CD109: variants seen among roughly 807,000 people sequenced by gnomAD.
CD109 encodes CD109 antigen.
In CD109, 149 loss-of-function variants were observed where a neutral mutation model predicts 165.8. That is an observed-to-expected ratio of 0.90 (90% confidence interval 0.79 to 1.03). The LOEUF is 1.03. Among genes scored for constraint, CD109 ranks in the 50% least tolerant of loss-of-function variants. The probability of loss-of-function intolerance (pLI) is 0.00; values close to 1 mark genes in which losing one functional copy is unlikely to be tolerated. For missense variants in CD109, 1,712 were observed against 1,677.8 expected, an observed-to-expected ratio of 1.02 and a Z score of -0.36; for synonymous variants, 585 against 592.1, an observed-to-expected ratio of 0.99 and a Z score of 0.18.
intron 32 of CD109, among the ~76,000 whole-genome samples, chr6:73,821,402 C>T (rs566016708): frequency 6.6e-6 from 1 of 152,092 alleles, no homozygotes; most frequent in Admixed American, 6.5e-5. Context: ...ATTGTTCTAC[C>T]AAAAAGCCAC....
intron 2 of CD109, among the ~76,000 whole-genome samples, chr6:73,704,750 A>C (rs974629061): frequency 1.4e-4 from 21 of 152,208 alleles, no homozygotes; most frequent in African/African-American, 5.1e-4. Context: ...TGTATGTGAA[A>C]CATGAATGAA....
chr6:73,721,074 C>T (rs185357868), intron 2 of CD109, among the ~76,000 whole-genome samples: 115 of 152,222 alleles, frequency 7.6e-4, no homozygotes, highest in Non-Finnish European at 1.4e-3. Context: ...CCTACCTGTA[C>T]TATGTATATC....
At chr6:73,710,096 A>G (rs1320922353) in intron 2 of CD109, among the ~76,000 whole-genome samples, 1 of 152,238 alleles carries the variant, frequency 6.6e-6, no homozygotes, top group Admixed American at 6.5e-5. Flanking sequence ...GGCTAGGGCA[A>G]TCAGGCAGGA....
intron 15 of CD109, among the ~76,000 whole-genome samples, chr6:73,773,759 A>G (rs2150238861): frequency 6.6e-6 from 1 of 152,250 alleles, no homozygotes; most frequent in East Asian, 1.9e-4. Context: ...ATGTTACCAT[A>G]GATTGCCTTT....
intron 5 of CD109, among the ~76,000 whole-genome samples, chr6:73,744,157 A>G (rs1772893661): frequency 6.6e-6 from 1 of 152,206 alleles, no homozygotes; most frequent in South Asian, 2.1e-4. Flanking sequence ...AGAACCTATT[A>G]TTATCTTCAG....
At chr6:73,767,299 T>C (rs531434077) in intron 13 of CD109, among the ~76,000 whole-genome samples, 2 of 152,308 alleles carry the variant, frequency 1.3e-5, no homozygotes, top group South Asian at 4.1e-4. Context: ...TAAGTGAGAA[T>C]ATGTGGTATT....
chr6:73,722,199 T>C (rs1246046257), intron 2 of CD109, among the ~76,000 whole-genome samples: 1 of 152,236 alleles, frequency 6.6e-6, no homozygotes, highest in Non-Finnish European at 1.5e-5. Flanking sequence ...ACATCCTCAA[T>C]GGAAAACTCT....
At position 73,734,490 on chromosome 6, in the gene CD109, T is replaced by C. The variant is rs186832061; in HGVS notation, c.508-1893T>C. Among the ~76,000 whole-genome samples, 4 of 152,390 alleles carry C rather than the reference T, an allele frequency of 2.6e-5. 1 individual carries two copies. The highest frequency in any genetic ancestry group is 6.8e-3 in the Middle Eastern group (2 of 294). ...ACAGCATATATTTATTGGCTATTTG[T>C]ATTTCTTCCTTTGTTCCTGAGCCTT... is the stretch of plus-strand genomic sequence containing the variant. On this transcript the variant is annotated intron_variant, in intron 4 of 32. Coordinates refer to ENST00000287097, the MANE Select transcript of CD109 (RefSeq NM_133493.5).
chr6:73,704,346 T>C (rs1039756022), intron 2 of CD109, among the ~76,000 whole-genome samples: 2 of 152,304 alleles, frequency 1.3e-5, no homozygotes, highest in Admixed American at 1.3e-4. Flanking sequence ...AAGCCTGTGA[T>C]GATTCATGGC....
intron 2 of CD109, among the ~76,000 whole-genome samples, chr6:73,702,175 T>C (rs1278265122): frequency 6.6e-6 from 1 of 152,212 alleles, no homozygotes; most frequent in East Asian, 1.9e-4. Context: ...GTGTTAACCT[T>C]TTTTTAAAGA....
chr6:73,810,517 A>G (rs1775716010), intron 27 of CD109, among the ~76,000 whole-genome samples: 2 of 151,918 alleles, frequency 1.3e-5, no homozygotes, highest in Admixed American at 6.6e-5. Flanking sequence ...TCAGTTCCAT[A>G]TAGCAAATAT....
chr6:73,781,308 T>C lies in CD109; in HGVS notation c.1952T>C (p.Ile651Thr), dbSNP rs1289590109. 6 of 1,612,418 alleles carry C rather than the reference T, an allele frequency of 3.7e-6. No individual in the cohort carries two copies. Among genetic ancestry groups the C allele is most frequent in the Middle Eastern group, 1.6e-4 (1 of 6,078 alleles). ...LTDANLTKDY[I>T]DGVYDNAEYA... ...GATGCAAACCTCACGAAGGATTATA[T>C]TGATGGTGTTTGTAAGTAATACATG... The change falls in exon 17 of 33, where the codon ATT becomes ACT. Residue 651 changes from isoleucine (I) to threonine (T), a missense_variant. Ile to Thr is a moderately conservative substitution (Grantham distance 89, BLOSUM62 -1). Coordinates refer to ENST00000287097, the MANE Select transcript of CD109 (RefSeq NM_133493.5).
Position 73,817,890 on chromosome 6 carries a change from T to C in CD109, c.3912-498T>C, listed in dbSNP as rs569336939. On this transcript the variant is annotated intron_variant, in intron 30 of 32. Transcript: ENST00000287097. ...GAACAAAGGGATGGCTTCTCCCTAC[T>C]GGTCTGATGTTTCTAAAATCAGACG... Among the ~76,000 whole-genome samples the C allele has an allele frequency of 7.2e-5, 11 of 152,330 alleles. No homozygotes were observed. In the South Asian group the frequency reaches 2.3e-3, roughly 32 times the overall value.
chr6:73,680,759 C>A, the CD109 span, among the ~76,000 whole-genome samples: 1 of 152,152 alleles, frequency 6.6e-6, no homozygotes. Flanking sequence ...ACTTAGTGAT[C>A]CAGTGCTTTC....
chr6:73,758,565 A>G (rs577401490), intron 6 of CD109, among the ~76,000 whole-genome samples: 1 of 152,062 alleles, frequency 6.6e-6, no homozygotes, highest in Admixed American at 6.5e-5. Flanking sequence ...TTGTATTTTT[A>G]GTAGAGATAG....
chr6:73,717,993 G>A (rs1353722585), intron 2 of CD109, among the ~76,000 whole-genome samples: 1 of 151,426 alleles, frequency 6.6e-6, no homozygotes, highest in Non-Finnish European at 1.5e-5. Flanking sequence ...TGTTTTGGTG[G>A]CATCTTTAGG....
chr6:73,756,965 AT>A (rs773889014), intron 6 of CD109, among the ~76,000 whole-genome samples: 2 of 152,208 alleles, frequency 1.3e-5, no homozygotes, highest in South Asian at 4.1e-4. Context: ...TGATAAAAAA[AT>A]ATTTAAAGTG....
chr6:73,810,045 C>G lies in CD109; in HGVS notation c.3417C>G (p.Ser1139=). 6.2e-7 allele frequency: 1 copy of G among 1,606,036 alleles called. No individual in the cohort carries two copies. The highest frequency in any genetic ancestry group is 8.5e-7 in the Non-Finnish European group (1 of 1,177,474). The change falls in exon 27 of 33, where the codon TCC becomes TCG. Residue 1139 remains serine, a synonymous_variant. Transcript: ENST00000287097. ...TTTCTGACTCCTGGCAGCCACGCTC[C>G]CTGGATATTGAAGTTGCAGCCTATG... is the stretch of plus-strand genomic sequence containing the variant. ...SKLSDSWQPR[S]LDIEVAAYAL... is the part of the protein sequence containing the mutation.
Position 73,729,368 on chromosome 6 carries a change from T to A in CD109, c.277-976T>A, listed in dbSNP as rs567152237. Among the ~76,000 whole-genome samples, 120 of 152,074 alleles carry A rather than the reference T, an allele frequency of 7.9e-4. 5 individuals carry two copies. In the South Asian group the frequency reaches 0.022, roughly 28 times the overall value. On this transcript the variant is annotated intron_variant, in intron 3 of 32. Coordinates refer to ENST00000287097, the MANE Select transcript of CD109 (RefSeq NM_133493.5). ...TGTGTGTGTGTGTGTGTAGTGTGTG[T>A]GTCTGAAATGATTTTAATAAGAATA...
Sources: allele counts gnomAD v4.1 joint callset (sites outside exome capture counted in the v4.1 genomes callset), GRCh38; gene constraint gnomAD v4.1.1; transcripts MANE v1.5; gene names NCBI Gene and HGNC (gene_info 2026-07-23, HGNC 2026-07-21).